Variants in M1AP observed in about 807,000 individuals in gnomAD.
The protein encoded by M1AP is meiosis 1 associated protein.
Under a neutral mutation model 51.2 loss-of-function variants are expected in M1AP, and 39 were observed. The observed-to-expected ratio is 0.76, with a 90% CI of 0.59 to 1.00. The LOEUF (loss-of-function observed/expected upper bound fraction) is 1.00. M1AP is among the 50% of genes least tolerant of loss of function. The pLI is 0.00. For missense variants in M1AP, 545 were observed against 641.2 expected (o/e 0.85, Z 1.62); for synonymous variants, 251 against 249.2 (o/e 1.01, Z -0.07).
At chr2:74,645,166 C>T (rs1573205168) in intron 1 of M1AP, among the ~76,000 whole-genome samples, 1 of 152,072 alleles carries the variant, frequency 6.6e-6, no homozygotes, top group South Asian at 2.1e-4. Flanking sequence ...CCACACACGC[C>T]GCCTTAAGAG....
chr2:74,608,304 C>T (rs1203929208), intron 3 of M1AP, among the ~76,000 whole-genome samples: 11 of 152,144 alleles, frequency 7.2e-5, no homozygotes, highest in Non-Finnish European at 1.6e-4. Context: ...ATAGTTTTGC[C>T]TTTTCCAGAA....
intron 7 of M1AP, among the ~76,000 whole-genome samples, chr2:74,569,745 T>C (rs1442109437): frequency 1.3e-5 from 2 of 152,034 alleles, no homozygotes; most frequent in Non-Finnish European, 2.9e-5. Context: ...TTTAAATAGG[T>C]AGAAAGAGAC....
At chr2:74,592,422 T>G (rs890319797) in intron 4 of M1AP, among the ~76,000 whole-genome samples, 3 of 152,218 alleles carry the variant, frequency 2.0e-5, no homozygotes, top group African/African-American at 4.8e-5. Context: ...TTCACATGTT[T>G]AAGGACCATT....
intron 1 of M1AP, among the ~76,000 whole-genome samples, chr2:74,647,063 C>T (rs976042468): frequency 2.0e-5 from 3 of 152,166 alleles, no homozygotes; most frequent in African/African-American, 7.2e-5. Context: ...AATGAATTCT[C>T]CCTGCAAACT....
chr2:74,636,033 T>C (rs1682971837), intron 2 of M1AP, among the ~76,000 whole-genome samples: 1 of 152,112 alleles, frequency 6.6e-6, no homozygotes, highest in African/African-American at 2.4e-5. Flanking sequence ...TTATTGATGT[T>C]CTATAATTGT....
At chr2:74,561,215 AGAAGGAGGAGGAGGAGAAGGAGG>A (rs1558643898) in intron 8 of M1AP, among the ~76,000 whole-genome samples, 36 of 134,344 alleles carry the variant, frequency 2.7e-4, no homozygotes, top group African/African-American at 8.1e-4. Flanking sequence ...GAGGAGGAGG[AGAAGGAGGAGGAGGAGAAGGAGG>A]AGGAGGAGGA....
intron 7 of M1AP, among the ~76,000 whole-genome samples, chr2:74,573,170 C>T (rs1347536031): frequency 6.6e-6 from 1 of 152,006 alleles, no homozygotes; most frequent in Admixed American, 6.6e-5. Flanking sequence ...CCTCAGCCTC[C>T]CAAGTAGCTG....
chr2:74,604,613 A>G (rs1313758663), intron 4 of M1AP, among the ~76,000 whole-genome samples: 6 of 152,136 alleles, frequency 3.9e-5, no homozygotes, highest in Non-Finnish European at 7.4e-5. Context: ...CTGCTGTGTG[A>G]TCACCAGTTC....
intron 2 of M1AP, chr2:74,628,600 C>A: frequency 3.2e-6 from 2 of 620,954 alleles, no homozygotes; most frequent in Non-Finnish European, 5.8e-6. Flanking sequence ...GTTTTATTAT[C>A]TTGAGAGGAA....
chr2:74,639,685 G>T (rs1253902358), intron 2 of M1AP, among the ~76,000 whole-genome samples: 1 of 152,236 alleles, frequency 6.6e-6, no homozygotes, highest in African/African-American at 2.4e-5. Context: ...GACCTCAGAA[G>T]AGATTTAGAG....
At chr2:74,644,190 A>C (rs890134118) in intron 1 of M1AP, among the ~76,000 whole-genome samples, 3 of 152,208 alleles carry the variant, frequency 2.0e-5, no homozygotes, top group Non-Finnish European at 4.4e-5. Context: ...TACAAAGATA[A>C]TTATGATAAT....
intron 1 of M1AP, among the ~76,000 whole-genome samples, chr2:74,644,171 CT>C: frequency 6.6e-6 from 1 of 152,216 alleles, no homozygotes; most frequent in African/African-American, 2.4e-5. Flanking sequence ...TTGATTTCCC[CT>C]GTGACAATAC....
At chr2:74,621,590 C>G (rs967695223) in intron 2 of M1AP, among the ~76,000 whole-genome samples, 1 of 150,654 alleles carries the variant, frequency 6.6e-6, no homozygotes, top group Admixed American at 6.6e-5. Context: ...TCGAGACCAT[C>G]CTGGCTAACA....
chr2:74,640,425 G>C (rs1169410584), intron 1 of M1AP, 98 bp from the exon 2 acceptor site: 14 of 1,047,770 alleles, frequency 1.3e-5, no homozygotes, highest in African/African-American at 3.2e-5. Flanking sequence ...ATCCAGAAAG[G>C]AGTCAGATTG....
chr2:74,562,168 A>G, intron 8 of M1AP, 49 bp downstream of exon 8: 1 of 1,550,194 alleles, frequency 6.5e-7, no homozygotes, highest in Non-Finnish European at 8.7e-7. Flanking sequence ...CCCTTTCTCA[A>G]ACTCCATTCG....
At chr2:74,615,757 T>C (rs2104742004) in intron 2 of M1AP, 1 of 152,892 alleles carries the variant, frequency 6.5e-6, no homozygotes. Context: ...AACTTGCTCT[T>C]AGGAGTCAAC....
At chr2:74,607,843 A>G (rs1485417167) in intron 3 of M1AP, among the ~76,000 whole-genome samples, 1 of 152,174 alleles carries the variant, frequency 6.6e-6, no homozygotes, top group Non-Finnish European at 1.5e-5. Flanking sequence ...AAACATATGC[A>G]ATTCTCATTT....
intron 4 of M1AP, among the ~76,000 whole-genome samples, chr2:74,599,871 C>T (rs1680574802): frequency 6.6e-6 from 1 of 151,292 alleles, no homozygotes; most frequent in African/African-American, 2.4e-5. Context: ...CTTGCTCTCA[C>T]CCAGGCTGGA....
intron 7 of M1AP, among the ~76,000 whole-genome samples, chr2:74,569,876 TTG>T (rs373202091): frequency 3.0e-4 from 45 of 149,358 alleles, no homozygotes; most frequent in African/African-American, 8.9e-4. Flanking sequence ...TAGAGATAAT[TTG>T]TGTGTGTGTG....
Sources: gnomAD v4.1 joint callset for allele counts (sites outside exome capture counted in the v4.1 genomes callset) on GRCh38, gnomAD v4.1.1 for gene constraint, MANE v1.5 for transcripts, NCBI Gene and HGNC (gene_info 2026-07-23, HGNC 2026-07-21) for gene names.